Variants in STON2 observed in about 807,000 individuals in gnomAD.
The protein encoded by STON2 is stonin 2, also known as stonin-2.
A neutral mutation model predicts 65.7 loss-of-function variants in STON2; 29 were observed. The ratio of observed to expected loss-of-function variants is 0.44; its 90% confidence interval spans 0.33 to 0.60. The LOEUF is 0.60. Ranked by LOEUF, STON2 falls within the 20% of genes least tolerant of loss-of-function variation. The probability of loss-of-function intolerance (pLI) is 0.03; values close to 1 mark genes in which losing one functional copy is unlikely to be tolerated. For synonymous variants in STON2, 404 were observed against 414.2 expected (o/e 0.98, Z 0.30); for missense variants, 1,054 against 1,118.1 (o/e 0.94, Z 0.82).
chr14:81,348,327 C>T (rs1897896327), intron 4 of STON2, among the ~76,000 whole-genome samples: 2 of 152,052 alleles, frequency 1.3e-5, no homozygotes, highest in African/African-American at 2.4e-5. Flanking sequence ...AAAATTGTTC[C>T]TCTTTACAGA....
chr14:81,412,648 G>C (rs938928523), intron 2 of STON2, among the ~76,000 whole-genome samples: 2 of 139,180 alleles, frequency 1.4e-5, no homozygotes, highest in African/African-American at 5.9e-5. Context: ...TTCTGGAGAT[G>C]GATGTGGCAA....
chr14:81,290,242 A>G (rs1265537634), intron 5 of STON2, among the ~76,000 whole-genome samples: 1 of 152,216 alleles, frequency 6.6e-6, no homozygotes, highest in Non-Finnish European at 1.5e-5. Context: ...TACTTTAAGC[A>G]CACACAGCAA....
chr14:81,413,001 C>G, intron 2 of STON2: 3 of 1,092,304 alleles, frequency 2.7e-6, no homozygotes, highest in Non-Finnish European at 4.0e-6. Flanking sequence ...ATCAAAAATG[C>G]GGACATGTCG....
intron 3 of STON2, among the ~76,000 whole-genome samples, chr14:81,378,773 G>A (rs1297347081): frequency 1.3e-5 from 2 of 152,000 alleles, no homozygotes; most frequent in Non-Finnish European, 1.5e-5. Flanking sequence ...AGAATACATG[G>A]GTTAACATTA....
chr14:81,352,744 A>ACCTCCTCT (rs1417757284), intron 4 of STON2, among the ~76,000 whole-genome samples: 3 of 152,162 alleles, frequency 2.0e-5, no homozygotes, highest in Admixed American at 2.0e-4. Flanking sequence ...TACAGTTGTC[A>ACCTCCTCT]CCTCCTCTTC....
At chr14:81,334,721 T>C (rs1253542013) in intron 4 of STON2, among the ~76,000 whole-genome samples, 3 of 152,102 alleles carry the variant, frequency 2.0e-5, no homozygotes, top group Non-Finnish European at 2.9e-5. Flanking sequence ...AAGGCAGAAA[T>C]AGGGCAGAAG....
intron 2 of STON2, 61 bp from the exon 3 acceptor site, chr14:81,396,239 T>C: frequency 6.6e-7 from 1 of 1,518,834 alleles, no homozygotes; most frequent in African/African-American, 1.4e-5. Flanking sequence ...AGCCATCTCA[T>C]GGAGGCAAAA....
rs542682815 is a variant in STON2 at position 81,415,607 on chromosome 14, T to G, written c.-199+11495A>C. 1.1e-4 allele frequency among the ~76,000 whole-genome samples: 14 copies of G among 131,464 alleles called. No individual in the cohort carries two copies. In the South Asian group the frequency reaches 3.1e-3, roughly 29 times the overall value. The allele number at this position is 131,464 out of a possible 152,430, so 86.2% of individuals were successfully genotyped here. On this transcript the variant is annotated intron_variant, in intron 2 of 8. Coordinates refer to the STON2 transcript ENST00000553821. Reference sequence around the variant, plus strand: ...ATCACTTGAACCCAGGAGGCAGAGGTGGCAGTGAGCCAAGATCGCACCACT... The same window carrying G: ...ATCACTTGAACCCAGGAGGCAGAGGGGGCAGTGAGCCAAGATCGCACCACT...
intron 4 of STON2, among the ~76,000 whole-genome samples, chr14:81,358,910 A>G (rs948028622): frequency 4.6e-5 from 7 of 152,222 alleles, no homozygotes; most frequent in African/African-American, 1.7e-4. Context: ...AAAAGATTGA[A>G]GGGAAAGACA....
intron 4 of STON2, among the ~76,000 whole-genome samples, chr14:81,364,791 C>A (rs557413245): frequency 6.6e-6 from 1 of 152,134 alleles, no homozygotes; most frequent in African/African-American, 2.4e-5. Context: ...GCATGGGACA[C>A]ACTTTGGAAA....
rs539121942 is a variant in STON2 at position 81,265,107 on chromosome 14, G to A, written c.*3307C>T. 1.3e-4 allele frequency: 129 copies of A among 984,918 alleles called. No individual in the cohort carries two copies. The African/African-American group carries it at 1.7e-3, about 13-fold the overall frequency. The allele number at this position is 984,918 out of a possible 1,614,324, so 61.0% of individuals were successfully genotyped here. ...AAAAAAAATAAAAAGTCCAGGTCCA[G>A]GGTTGCAAAAGTAGAATCTGCATAT... is the stretch of plus-strand genomic sequence containing the variant. On this transcript the variant is annotated 3_prime_UTR_variant, in exon 8 of 8. Coordinates refer to ENST00000614646, the MANE Select transcript of STON2 (RefSeq NM_001394390.1).
intron 4 of STON2, among the ~76,000 whole-genome samples, 136 bp from the exon 5 acceptor site, chr14:81,324,323 CCTT>C (rs1297724653): frequency 6.6e-6 from 1 of 152,238 alleles, no homozygotes; most frequent in Non-Finnish European, 1.5e-5. Context: ...CTGAGATCTC[CCTT>C]CTGATTTCCT....
chr14:81,351,525 A>C lies in STON2; in HGVS notation c.571+19463T>G, dbSNP rs540719460. 3.3e-5 allele frequency among the ~76,000 whole-genome samples: 5 copies of C among 152,292 alleles called. No homozygotes were observed. The South Asian group carries it at 1.0e-3, about 32-fold the overall frequency. On this transcript the variant is annotated intron_variant, in intron 4 of 7. Transcript: ENST00000614646. ...ACAAAGTAAGAACTGTGTGAGAGAA[A>C]ACATTATTTTAATTTGATCTTATAT...
At chr14:81,307,317 A>T (rs2140201424) in intron 5 of STON2, among the ~76,000 whole-genome samples, 1 of 152,358 alleles carries the variant, frequency 6.6e-6, no homozygotes, top group South Asian at 2.1e-4. Context: ...GCATGAACTA[A>T]GCAGTAGAAA....
intron 5 of STON2, among the ~76,000 whole-genome samples, chr14:81,297,935 G>A (rs1895824255): frequency 6.6e-6 from 1 of 152,218 alleles, no homozygotes; most frequent in Non-Finnish European, 1.5e-5. Flanking sequence ...TACTCGGGAG[G>A]CTGAGGCAGG....
At chr14:81,355,435 T>C (rs1425965010) in intron 4 of STON2, among the ~76,000 whole-genome samples, 1 of 152,016 alleles carries the variant, frequency 6.6e-6, no homozygotes, top group African/African-American at 2.4e-5. Context: ...CCAATACAAC[T>C]ATAATCAATT....
intron 4 of STON2, among the ~76,000 whole-genome samples, chr14:81,329,324 A>G (rs560800688): frequency 5.9e-5 from 9 of 152,110 alleles, no homozygotes; most frequent in East Asian, 3.9e-4. Flanking sequence ...GCGTGGTGGC[A>G]GGCGCCTGTA....
At chr14:81,400,254 G>C (rs1900537180) in intron 1 of STON2, among the ~76,000 whole-genome samples, 25 bp downstream of exon 1, 1 of 152,126 alleles carries the variant, frequency 6.6e-6, no homozygotes, top group East Asian at 1.9e-4. Flanking sequence ...CCTGGAGAGA[G>C]CAGGTCTCCC....
At chr14:81,280,869 G>C (rs1895084787) in intron 5 of STON2, among the ~76,000 whole-genome samples, 1 of 151,952 alleles carries the variant, frequency 6.6e-6, no homozygotes, top group Non-Finnish European at 1.5e-5. Context: ...AAATTAGCTG[G>C]GCGTGGTGGC....
Sources: gnomAD v4.1 joint callset for allele counts (sites outside exome capture counted in the v4.1 genomes callset) on GRCh38, gnomAD v4.1.1 for gene constraint, MANE v1.5 for transcripts, NCBI Gene and HGNC (gene_info 2026-07-23, HGNC 2026-07-21) for gene names.